Variants in MDGA2 observed in about 807,000 individuals in gnomAD.
MDGA2 encodes the protein MAM domain-containing glycosylphosphatidylinositol anchor protein 2.
A neutral mutation model predicts 117.8 loss-of-function variants in MDGA2; 40 were observed. The observed-to-expected ratio is 0.34, with a 90% CI of 0.26 to 0.44. MDGA2 has a LOEUF of 0.44. Ranked by LOEUF, MDGA2 falls within the 20% of genes least tolerant of loss-of-function variation. The pLI is 1.00. For synonymous variants in MDGA2, 452 were observed against 439.0 expected (o/e 1.03, Z -0.37); for missense variants, 1,123 against 1,250.6 (o/e 0.90, Z 1.54).
At chr14:46,843,221 C>T (rs1278234662) in intron 16 of MDGA2, among the ~76,000 whole-genome samples, 1 of 152,116 alleles carries the variant, frequency 6.6e-6, no homozygotes, top group Non-Finnish European at 1.5e-5. Flanking sequence ...CTTTCACAGG[C>T]ATTTACTGTG....
chr14:47,313,760 G>T (rs1889717225), intron 1 of MDGA2, among the ~76,000 whole-genome samples: 1 of 152,156 alleles, frequency 6.6e-6, no homozygotes, highest in African/African-American at 2.4e-5. Flanking sequence ...TGGAGTAAGT[G>T]TGAAGAAATA....
chr14:47,528,541 T>C (rs1895021562), intron 1 of MDGA2, among the ~76,000 whole-genome samples: 1 of 152,186 alleles, frequency 6.6e-6, no homozygotes, highest in South Asian at 2.1e-4. Flanking sequence ...TGAGAATAGA[T>C]TTCCAGTAGA....
chr14:47,142,134 C>A lies in MDGA2; in HGVS notation c.792+1944G>T, dbSNP rs554434042. On this transcript the variant is annotated intron_variant, in intron 4 of 16. Coordinates refer to ENST00000399232, the MANE Select transcript of MDGA2 (RefSeq NM_001113498.3). ...CTGTGTTCATTTCCAAGTGATTAGA[C>A]CCATTTGCAGGTTAGAAATAGCCAT... is the stretch of plus-strand genomic sequence containing the variant. Among the ~76,000 whole-genome samples the A allele has an allele frequency of 3.9e-5, 6 of 152,234 alleles. No individual in the cohort carries two copies. In the South Asian group the frequency reaches 1.2e-3, roughly 32 times the overall value.
intron 5 of MDGA2, among the ~76,000 whole-genome samples, chr14:47,116,083 A>T (rs543390198): frequency 6.6e-6 from 1 of 152,114 alleles, no homozygotes; most frequent in African/African-American, 2.4e-5. Context: ...GATACAAAAT[A>T]AATGTACAAA....
At chr14:47,255,492 T>C (rs1399956176) in intron 2 of MDGA2, among the ~76,000 whole-genome samples, 1 of 152,212 alleles carries the variant, frequency 6.6e-6, no homozygotes, top group African/African-American at 2.4e-5. Context: ...CTTGGCCCTA[T>C]GCCTGCATCT....
chr14:47,386,261 C>A (rs55790291), intron 1 of MDGA2, among the ~76,000 whole-genome samples: 4 of 151,854 alleles, frequency 2.6e-5, no homozygotes, highest in African/African-American at 9.7e-5. Context: ...GTGTGCGCAA[C>A]AAGAGCAAAA....
At chr14:47,376,754 A>G (rs1891488150) in intron 1 of MDGA2, among the ~76,000 whole-genome samples, 1 of 152,118 alleles carries the variant, frequency 6.6e-6, no homozygotes, top group Non-Finnish European at 1.5e-5. Flanking sequence ...TACATTGCAA[A>G]AGTTTACTGA....
At chr14:46,906,846 C>T (rs532770820) in intron 10 of MDGA2, among the ~76,000 whole-genome samples, 3 of 151,868 alleles carry the variant, frequency 2.0e-5, no homozygotes, top group Middle Eastern at 3.4e-3. Context: ...TTTGCCCACC[C>T]GGACAAAATG....
At chr14:47,578,207 G>A (rs1896151713) in intron 1 of MDGA2, among the ~76,000 whole-genome samples, 2 of 152,014 alleles carry the variant, frequency 1.3e-5, no homozygotes, top group African/African-American at 2.4e-5. Context: ...TCGTAAGTGA[G>A]ACAGATGGAC....
intron 1 of MDGA2, among the ~76,000 whole-genome samples, chr14:47,351,902 AACACAC>A (rs35860893): frequency 0.18 from 26,121 of 148,358 alleles, 2,576 homozygotes; most frequent in East Asian, 0.45. Flanking sequence ...CTCTAAATTA[AACACAC>A]ACACACACAC....
chr14:47,164,595 G>T (rs1400587830), intron 3 of MDGA2, among the ~76,000 whole-genome samples: 1 of 152,128 alleles, frequency 6.6e-6, no homozygotes, highest in South Asian at 2.1e-4. Flanking sequence ...TAAAAAGTCA[G>T]GAAACAACAG....
intron 1 of MDGA2, among the ~76,000 whole-genome samples, chr14:47,332,479 A>G (rs552444439): frequency 6.6e-6 from 1 of 152,098 alleles, no homozygotes; most frequent in South Asian, 2.1e-4. Flanking sequence ...AAAGAATAGC[A>G]CATGTCTGCC....
chr14:47,631,929 A>AG, intron 1 of MDGA2, among the ~76,000 whole-genome samples: 1 of 135,280 alleles, frequency 7.4e-6, no homozygotes, highest in Non-Finnish European at 1.7e-5. Flanking sequence ...GATTTTTTTA[A>AG]GTTTTTTTTT....
chr14:46,847,343 A>G (rs1464402804), intron 15 of MDGA2, among the ~76,000 whole-genome samples: 1 of 152,146 alleles, frequency 6.6e-6, no homozygotes, highest in Admixed American at 6.6e-5. Flanking sequence ...GATTCTCCAA[A>G]GCCATCTCTT....
intron 1 of MDGA2, among the ~76,000 whole-genome samples, chr14:47,312,687 T>G (rs1420477295): frequency 1.1e-5 from 1 of 92,824 alleles, no homozygotes; most frequent in Non-Finnish European, 2.4e-5. Context: ...GTTTTTTTTT[T>G]GTTTTGTTTT....
intron 1 of MDGA2, among the ~76,000 whole-genome samples, chr14:47,516,274 T>C (rs982824953): frequency 6.6e-6 from 1 of 152,156 alleles, no homozygotes. Context: ...AGTGATCATT[T>C]TTCATAAGGA....
In MDGA2 at chr14:47,362,968, A is replaced by T. The variant is rs573640389; in HGVS notation, c.281-61418T>A. Among the ~76,000 whole-genome samples the T allele has an allele frequency of 3.1e-4, 47 of 152,304 alleles. 1 individual carries two copies. In the East Asian group the frequency reaches 8.5e-3, roughly 28 times the overall value. On this transcript the variant is annotated intron_variant, in intron 1 of 16. Transcript: ENST00000399232. ...ATATATGCATCCTTGATGCAAAAGC[A>T]ATTAGTAAAGCTTTTGAAAATAGTC...
chr14:47,503,617 G>A (rs1894448336), intron 1 of MDGA2, among the ~76,000 whole-genome samples: 1 of 151,974 alleles, frequency 6.6e-6, no homozygotes, highest in South Asian at 2.1e-4. Flanking sequence ...TGTTAGCCAG[G>A]ATGGTCTCTC....
intron 1 of MDGA2, among the ~76,000 whole-genome samples, chr14:47,432,041 C>G (rs1484096002): frequency 6.6e-6 from 1 of 152,050 alleles, no homozygotes; most frequent in Non-Finnish European, 1.5e-5. Context: ...TGGAGATTAA[C>G]ATAAATGACC....
Sources: allele counts gnomAD v4.1 joint callset (sites outside exome capture counted in the v4.1 genomes callset), GRCh38; gene constraint gnomAD v4.1.1; transcripts MANE v1.5; gene names NCBI Gene and HGNC (gene_info 2026-07-23, HGNC 2026-07-21).